The following ABCC9 variants were observed in gnomAD, a reference collection of about 807,000 sequenced individuals.
ABCC9 encodes ATP binding cassette subfamily C member 9.
ABCC9 carries 95 observed loss-of-function variants against 188.3 expected under a neutral mutation model. The ratio of observed to expected loss-of-function variants is 0.50; its 90% CI spans 0.43 to 0.60. The LOEUF is 0.60. Among genes scored for constraint, ABCC9 ranks in the 20% least tolerant of loss-of-function variants. ABCC9 has a pLI of 0.00. For synonymous variants in ABCC9, 659 were observed against 652.7 expected, an observed-to-expected ratio of 1.01 and a Z score of -0.15; for missense variants, 1,102 against 1,876.3, an observed-to-expected ratio of 0.59 and a Z score of 7.62.
Position 21,872,904 on chromosome 12 carries a change from A to AAT in ABCC9, c.2093-176_2093-175dup, listed in dbSNP as rs1396858544. Among the ~76,000 whole-genome samples, 521 of 150,944 alleles carry AAT rather than the reference A, an allele frequency of 3.5e-3. 4 individuals carry two copies. Among genetic ancestry groups the AAT allele is most frequent in the African/African-American group, 0.011 (453 of 41,306 alleles). On this transcript the variant is annotated intron_variant, in intron 17 of 39. Transcript: ENST00000261200. ...TGATAAGTCTTTTTGGAAAAGGAAA[A>AAT]ATATATATATATATAATGATTTATT...
intron 4 of ABCC9, among the ~76,000 whole-genome samples, chr12:21,927,513 T>C (rs1949088906): frequency 6.6e-6 from 1 of 152,106 alleles, no homozygotes; most frequent in African/African-American, 2.4e-5. Context: ...ATTGGTGAAA[T>C]AGACAGGAGT....
At chr12:21,871,880 ATCAG>A (rs1946100635) in intron 18 of ABCC9, among the ~76,000 whole-genome samples, 1 of 152,216 alleles carries the variant, frequency 6.6e-6, no homozygotes, top group African/African-American at 2.4e-5. Flanking sequence ...AATTTCTTAG[ATCAG>A]CTGTAGCCAG....
chr12:21,811,963 C>A, intron 36 of ABCC9, 86 bp downstream of exon 36: 1 of 934,470 alleles, frequency 1.1e-6, no homozygotes, highest in Non-Finnish European at 1.8e-6. Context: ...TTCACTCATA[C>A]CTGAAAAATG....
chr12:21,855,136 A>C (rs1454183717), intron 22 of ABCC9, among the ~76,000 whole-genome samples: 1 of 152,226 alleles, frequency 6.6e-6, no homozygotes, highest in African/African-American at 2.4e-5. Context: ...GGAATTTTTC[A>C]CAGAAAAAAT....
intron 12 of ABCC9, among the ~76,000 whole-genome samples, chr12:21,905,172 C>G (rs1414821760): frequency 6.6e-6 from 1 of 152,044 alleles, no homozygotes; most frequent in African/African-American, 2.4e-5. Flanking sequence ...ATTGCAGGGA[C>G]AAAAAACCAA....
rs1941332774 is a variant in ABCC9, at chr12:21,799,483, T to C, written c.*1561A>G. The C allele has an allele frequency of 6.6e-6, 1 of 152,204 alleles. No homozygotes were observed. Among genetic ancestry groups the C allele is most frequent in the South Asian group, 2.1e-4 (1 of 4,830 alleles). 9.4% of individuals were successfully genotyped at this position (152,204 alleles called of 1,614,324 possible). Reference sequence around the variant, plus strand: ...CTTTAAGAAAACAATAAGGTTATTTTCTTCCAAGGAAGTTTTATATACACA... The same window carrying C: ...CTTTAAGAAAACAATAAGGTTATTTCCTTCCAAGGAAGTTTTATATACACA... On this transcript the variant is annotated 3_prime_UTR_variant, in exon 40 of 40. Transcript: ENST00000261200.
At chr12:21,862,146 T>C (rs1455968259) in intron 20 of ABCC9, among the ~76,000 whole-genome samples, 2 of 152,098 alleles carry the variant, frequency 1.3e-5, no homozygotes, top group Non-Finnish European at 2.9e-5. Context: ...CTACCGTCAT[T>C]CCTAAGTGTA....
intron 12 of ABCC9, among the ~76,000 whole-genome samples, chr12:21,895,823 G>A (rs1455837456): frequency 6.6e-6 from 1 of 152,102 alleles, no homozygotes. Context: ...CTCTCTGCGT[G>A]TCTAAATATC....
intron 16 of ABCC9, among the ~76,000 whole-genome samples, chr12:21,879,886 A>G (rs1416240098): frequency 1.3e-5 from 2 of 152,042 alleles, no homozygotes; most frequent in African/African-American, 4.8e-5. Context: ...CTTGTTCTAA[A>G]AGGTGTCAAT....
At chr12:21,839,674 T>G (rs1366599102) in intron 29 of ABCC9, among the ~76,000 whole-genome samples, 1 of 152,198 alleles carries the variant, frequency 6.6e-6, no homozygotes, top group Non-Finnish European at 1.5e-5. Context: ...TCTCTAGGTT[T>G]TTGGGGTTGA....
intron 5 of ABCC9, chr12:21,925,372 A>G (rs4762865): frequency 0.03 from 17,908 of 588,956 alleles, 379 homozygotes; most frequent in Non-Finnish European, 0.044. Flanking sequence ...TTTAGTCACA[A>G]TGCAGGTGCG....
chr12:21,800,729 G>A lies in ABCC9; in HGVS notation c.*315C>T, dbSNP rs1941386084. 1 of 354,696 alleles carries A rather than the reference G, an allele frequency of 2.8e-6. No homozygotes were observed. Among genetic ancestry groups the A allele is most frequent in the Admixed American group, 4.3e-5 (1 of 23,042 alleles). The allele number at this position is 354,696 out of a possible 1,614,324, so 22.0% of individuals were successfully genotyped here. ...CTCATTGACACTTCCATTCCTGAGA[G>A]ATATTTACCAGACTTAAAGTTAGGA... is the stretch of plus-strand genomic sequence containing the variant. On this transcript the variant is annotated 3_prime_UTR_variant, in exon 40 of 40. Transcript: ENST00000261200.
At chr12:21,917,234 G>T in intron 5 of ABCC9, 131 bp from the exon 6 acceptor site, 1 of 952,294 alleles carries the variant, frequency 1.1e-6, no homozygotes, top group Non-Finnish European at 1.6e-6. Context: ...GTTTTACTTG[G>T]TAAGAAAACA....
chr12:21,826,462 A>T (rs1034442714), intron 31 of ABCC9, among the ~76,000 whole-genome samples: 2 of 152,230 alleles, frequency 1.3e-5, no homozygotes, highest in Non-Finnish European at 2.9e-5. Context: ...GAGGTCATTT[A>T]TATGTGCACA....
chr12:21,881,572 T>C (rs1946618764), intron 16 of ABCC9, among the ~76,000 whole-genome samples: 1 of 152,170 alleles, frequency 6.6e-6, no homozygotes, highest in African/African-American at 2.4e-5. Context: ...TGTTTTTTAT[T>C]CACCAATACA....
At chr12:21,840,882 T>A (rs986654780) in intron 29 of ABCC9, among the ~76,000 whole-genome samples, 7 of 152,248 alleles carry the variant, frequency 4.6e-5, no homozygotes, top group African/African-American at 1.7e-4. Context: ...ATTCAGAGGT[T>A]CCCATCTACA....
chr12:21,922,082 G>T (rs1948843612), intron 5 of ABCC9, among the ~76,000 whole-genome samples: 1 of 151,896 alleles, frequency 6.6e-6, no homozygotes, highest in Middle Eastern at 3.4e-3. Context: ...TTTTAGAATT[G>T]TTTTTTCTAT....
At chr12:21,807,029 T>A (rs1337271581) in intron 38 of ABCC9, among the ~76,000 whole-genome samples, 1 of 152,222 alleles carries the variant, frequency 6.6e-6, no homozygotes, top group Non-Finnish European at 1.5e-5. Flanking sequence ...TCAGAACTTT[T>A]CTGGCGTAGT....
At chr12:21,807,770 C>T (rs1565682675) in intron 37 of ABCC9, among the ~76,000 whole-genome samples, 1 of 152,182 alleles carries the variant, frequency 6.6e-6, no homozygotes, top group Non-Finnish European at 1.5e-5. Flanking sequence ...TAATACAATT[C>T]TCTAAGGAGA....
Sources: allele counts gnomAD v4.1 joint callset (sites outside exome capture counted in the v4.1 genomes callset), GRCh38; gene constraint gnomAD v4.1.1; transcripts MANE v1.5; gene names NCBI Gene and HGNC (gene_info 2026-07-23, HGNC 2026-07-21).